The following CSNK2A2IP variants were observed in gnomAD, a reference collection of about 807,000 sequenced individuals.
CSNK2A2IP encodes the protein casein kinase 2 subunit alpha' interacting protein.
chr3:88,354,324 TGTA>T, the CSNK2A2IP span, among the ~76,000 whole-genome samples: 1 of 152,224 alleles, frequency 6.6e-6, no homozygotes, highest in Non-Finnish European at 1.5e-5. Flanking sequence ...ATAGGGTGGT[TGTA>T]GTAATTAGAT....
chr3:88,396,477 G>A, the CSNK2A2IP span, among the ~76,000 whole-genome samples: 2 of 152,186 alleles, frequency 1.3e-5, no homozygotes, highest in South Asian at 2.1e-4. Flanking sequence ...GTTTTCCTGT[G>A]AAAATGCAAG....
chr3:88,382,778 G>T, the CSNK2A2IP span: 1 of 152,192 alleles, frequency 6.6e-6, no homozygotes, highest in Admixed American at 6.5e-5. Context: ...GCCTTTGGAA[G>T]TTCATACCCA....
chr3:88,361,701 T>A, the CSNK2A2IP span, among the ~76,000 whole-genome samples: 1 of 152,164 alleles, frequency 6.6e-6, no homozygotes, highest in South Asian at 2.1e-4. Flanking sequence ...TTTCTTTAAA[T>A]AAATTTTCTA....
chr3:88,341,585 A>C, the CSNK2A2IP span, among the ~76,000 whole-genome samples: 1 of 150,104 alleles, frequency 6.7e-6, no homozygotes, highest in African/African-American at 2.4e-5. Flanking sequence ...TGGATACTCA[A>C]TAAATGCTAT....
the CSNK2A2IP span, among the ~76,000 whole-genome samples, chr3:88,375,254 C>G: frequency 6.6e-6 from 1 of 151,656 alleles, no homozygotes; most frequent in Non-Finnish European, 1.5e-5. Context: ...TTTTACCATC[C>G]TTTTTTGAAC....
chr3:88,416,654 C>A, the CSNK2A2IP span, among the ~76,000 whole-genome samples: 1 of 152,178 alleles, frequency 6.6e-6, no homozygotes, highest in Non-Finnish European at 1.5e-5. Flanking sequence ...ACCCTTAATA[C>A]ATCCACTCAT....
the CSNK2A2IP span, among the ~76,000 whole-genome samples, chr3:88,363,615 A>G: frequency 1.3e-5 from 2 of 152,178 alleles, no homozygotes; most frequent in Non-Finnish European, 2.9e-5. Flanking sequence ...GTCATGCATC[A>G]TTAGTTTTAC....
At chr3:88,466,173 A>C in the CSNK2A2IP span, 3 of 1,231,558 alleles carry the variant, frequency 2.4e-6, no homozygotes, top group Non-Finnish European at 2.0e-6. Flanking sequence ...TTACCTCTCC[A>C]TTACTTGACT....
chr3:88,455,931 C>A, the CSNK2A2IP span, among the ~76,000 whole-genome samples: 2 of 151,272 alleles, frequency 1.3e-5, no homozygotes, highest in African/African-American at 4.8e-5. Flanking sequence ...GTGTGGATAT[C>A]CAGTTTTCAT....
the CSNK2A2IP span, among the ~76,000 whole-genome samples, chr3:88,365,941 G>A: frequency 2.0e-5 from 3 of 151,884 alleles, no homozygotes; most frequent in Non-Finnish European, 4.4e-5. Flanking sequence ...TCTTTTAAGG[G>A]GGTTATTATT....
chr3:88,459,541 T>C, the CSNK2A2IP span, among the ~76,000 whole-genome samples: 2 of 152,222 alleles, frequency 1.3e-5, no homozygotes, highest in East Asian at 3.9e-4. Context: ...TTTTTTATTC[T>C]TGTTTTGTTT....
the CSNK2A2IP span, among the ~76,000 whole-genome samples, chr3:88,383,224 A>C: frequency 1.3e-5 from 2 of 152,166 alleles, no homozygotes; most frequent in African/African-American, 4.8e-5. Flanking sequence ...GGCACTAACA[A>C]ATTTCTTAAA....
chr3:88,457,353 T>G, the CSNK2A2IP span, among the ~76,000 whole-genome samples: 4 of 152,074 alleles, frequency 2.6e-5, no homozygotes, highest in Non-Finnish European at 5.9e-5. Context: ...AAATTTGGCT[T>G]ACCTTTTTTT....
chr3:88,422,431 A>G, the CSNK2A2IP span, among the ~76,000 whole-genome samples: 1 of 152,210 alleles, frequency 6.6e-6, no homozygotes, highest in African/African-American at 2.4e-5. Flanking sequence ...GACATTTAAA[A>G]AGTGATTTGC....
chr3:88,421,991 G>A, the CSNK2A2IP span, among the ~76,000 whole-genome samples: 1 of 152,118 alleles, frequency 6.6e-6, no homozygotes, highest in Non-Finnish European at 1.5e-5. Flanking sequence ...ATGAATCTAT[G>A]TGCTATTTAA....
chr3:88,412,856 A>G, the CSNK2A2IP span, among the ~76,000 whole-genome samples: 1 of 152,054 alleles, frequency 6.6e-6, no homozygotes, highest in Non-Finnish European at 1.5e-5. Context: ...ATACAGTAAA[A>G]ATACAGAATT....
chr3:88,432,908 G>A, the CSNK2A2IP span, among the ~76,000 whole-genome samples: 1 of 151,702 alleles, frequency 6.6e-6, no homozygotes, highest in Non-Finnish European at 1.5e-5. Flanking sequence ...AAGAATAAGA[G>A]TTCTGGTTCA....
At chr3:88,421,447 C>T in the CSNK2A2IP span, among the ~76,000 whole-genome samples, 16 of 152,260 alleles carry the variant, frequency 1.1e-4, no homozygotes, top group Middle Eastern at 3.4e-3. Flanking sequence ...GATGGAGTCT[C>T]ACTCTGTTGC....
At chr3:88,465,164 T>C in the CSNK2A2IP span, 1 of 396,226 alleles carries the variant, frequency 2.5e-6, no homozygotes, top group Non-Finnish European at 4.4e-6. Context: ...TGACAATCTT[T>C]TTCAATCTCA....
Sources: allele counts gnomAD v4.1 joint callset (sites outside exome capture counted in the v4.1 genomes callset), GRCh38; gene constraint gnomAD v4.1.1; transcripts MANE v1.5; gene names NCBI Gene and HGNC (gene_info 2026-07-23, HGNC 2026-07-21).